Variants in ARHGAP6 observed in about 807,000 individuals in gnomAD.
ARHGAP6 encodes the protein Rho GTPase activating protein 6.
A neutral mutation model predicts 55.7 loss-of-function variants in ARHGAP6; 16 were observed. That is an observed-to-expected ratio of 0.29 (90% CI 0.19 to 0.44). The LOEUF (loss-of-function observed/expected upper bound fraction) is 0.44, where lower values mean the gene tolerates loss of function less well. Ranked by LOEUF, ARHGAP6 falls within the 20% of genes least tolerant of loss-of-function variation. The probability of loss-of-function intolerance (pLI) is 1.00; values close to 1 mark genes in which losing one functional copy is unlikely to be tolerated. For synonymous variants in ARHGAP6, 382 were observed against 360.9 expected, an observed-to-expected ratio of 1.06 and a Z score of -0.66; for missense variants, 698 against 808.9, an observed-to-expected ratio of 0.86 and a Z score of 1.66.
At chrX:11,520,519 C>T (rs2050911336) in intron 1 of ARHGAP6, among the ~76,000 whole-genome samples, 1 of 110,335 alleles carries the variant, frequency 9.1e-6, no homozygotes, top group Non-Finnish European at 1.9e-5. Flanking sequence ...GCATAGTATT[C>T]CATGGTGTAT....
chrX:11,592,496 G>T (rs2051847513), intron 1 of ARHGAP6, among the ~76,000 whole-genome samples: 1 of 111,397 alleles, frequency 9.0e-6, no homozygotes, highest in Admixed American at 9.6e-5. Flanking sequence ...TCTTCAACAA[G>T]CATGTTTTTA....
At chrX:11,551,127 A>G (rs950747058) in intron 1 of ARHGAP6, among the ~76,000 whole-genome samples, 1 of 112,149 alleles carries the variant, frequency 8.9e-6, no homozygotes, top group African/African-American at 3.2e-5. Flanking sequence ...CATGGACAAC[A>G]CAAGGGTGAC....
chrX:11,344,188 G>T (rs936160808), intron 1 of ARHGAP6, among the ~76,000 whole-genome samples: 8 of 111,366 alleles, frequency 7.2e-5, no homozygotes, highest in Non-Finnish European at 1.3e-4. Context: ...TGTTGTAGGG[G>T]TGCTATAGGA....
intron 2 of ARHGAP6, among the ~76,000 whole-genome samples, chrX:11,249,493 C>T (rs1373911457): frequency 2.7e-5 from 3 of 111,602 alleles, no homozygotes; most frequent in African/African-American, 9.8e-5. Flanking sequence ...ACAATTTACA[C>T]CTCTACCAAC....
At chrX:11,358,475 T>C (rs1569313542) in intron 1 of ARHGAP6, among the ~76,000 whole-genome samples, 1 of 99,857 alleles carries the variant, frequency 1.0e-5, no homozygotes, top group Non-Finnish European at 2.0e-5. Flanking sequence ...CTTTCTTTCT[T>C]TCTTTCTTTC....
Position 11,519,573 on chromosome X carries a change from C to T in ARHGAP6, c.588+144668G>A, listed in dbSNP as rs2050890349. Among the ~76,000 whole-genome samples the T allele has an allele frequency of 3.6e-5, 4 of 110,946 alleles. No individual in the cohort carries two copies. The Admixed American group carries it at 3.9e-4, about 11-fold the overall frequency. ...AACAAAGCTGGAGGCATCACACTAC[C>T]TAACTTCAAACTATACTACAAGGCT... On this transcript the variant is annotated intron_variant, in intron 1 of 12. Coordinates refer to ENST00000337414, the MANE Select transcript of ARHGAP6 (RefSeq NM_013427.3).
At chrX:11,173,616 AAAAC>A (rs1288506733) in intron 8 of ARHGAP6, among the ~76,000 whole-genome samples, 1 of 112,633 alleles carries the variant, frequency 8.9e-6, no homozygotes, top group Non-Finnish European at 1.9e-5. Context: ...AGAAGAAAAC[AAAAC>A]AAACACAAGA....
chrX:11,412,508 T>C (rs2147767395), intron 1 of ARHGAP6, among the ~76,000 whole-genome samples: 1 of 112,328 alleles, frequency 8.9e-6, no homozygotes, highest in Admixed American at 9.4e-5. Flanking sequence ...TTAAATTCTC[T>C]TTAAAGATAA....
chrX:11,553,919 A>G (rs2051295778), intron 1 of ARHGAP6, among the ~76,000 whole-genome samples: 1 of 112,117 alleles, frequency 8.9e-6, no homozygotes, highest in Non-Finnish European at 1.9e-5. Context: ...TTTCAGAAAG[A>G]CATTTCAAGG....
At chrX:11,190,427 T>A (rs1270852310) in intron 3 of ARHGAP6, among the ~76,000 whole-genome samples, 1 of 81,592 alleles carries the variant, frequency 1.2e-5, no homozygotes, top group Non-Finnish European at 2.6e-5. Context: ...CCAAAGGGGA[T>A]AGTACCAGAC....
At chrX:11,205,839 C>A (rs1334820248) in intron 2 of ARHGAP6, among the ~76,000 whole-genome samples, 7 of 112,010 alleles carry the variant, frequency 6.2e-5, no homozygotes, top group South Asian at 3.7e-4. Flanking sequence ...ATGTATTTTA[C>A]CCTGACCACT....
intron 1 of ARHGAP6, among the ~76,000 whole-genome samples, chrX:11,532,766 C>G (rs1430532904): frequency 8.9e-6 from 1 of 112,522 alleles, no homozygotes; most frequent in African/African-American, 3.2e-5. Context: ...TGCTTTCACA[C>G]TACAAAGGCA....
chrX:11,573,065 A>C (rs1270954333), intron 1 of ARHGAP6, among the ~76,000 whole-genome samples: 1 of 111,061 alleles, frequency 9.0e-6, no homozygotes, highest in Non-Finnish European at 1.9e-5. Flanking sequence ...GTTTGAGTTC[A>C]TTGTAGATTC....
intron 2 of ARHGAP6, among the ~76,000 whole-genome samples, chrX:11,215,556 C>T (rs1280854099): frequency 8.8e-6 from 1 of 113,030 alleles, no homozygotes; most frequent in African/African-American, 3.2e-5. Context: ...GATAGCTCTC[C>T]TTTCACACAC....
At chrX:11,616,591 G>T (rs1293355967) in intron 1 of ARHGAP6, among the ~76,000 whole-genome samples, 1 of 111,634 alleles carries the variant, frequency 9.0e-6, no homozygotes, top group Non-Finnish European at 1.9e-5. Flanking sequence ...GCCTCGCAAA[G>T]TGCTAGGATT....
intron 1 of ARHGAP6, among the ~76,000 whole-genome samples, chrX:11,617,528 G>C (rs1439898013): frequency 1.8e-5 from 2 of 111,774 alleles, no homozygotes; most frequent in Non-Finnish European, 1.9e-5. Flanking sequence ...CATGGCAAAA[G>C]CAACTCTGAA....
intron 1 of ARHGAP6, among the ~76,000 whole-genome samples, chrX:11,614,483 A>T (rs1000074058): frequency 1.9e-4 from 21 of 111,118 alleles, no homozygotes; most frequent in Non-Finnish European, 4.0e-4. Flanking sequence ...CACACTTTCA[A>T]ACAACCAGAT....
intron 1 of ARHGAP6, among the ~76,000 whole-genome samples, chrX:11,536,725 G>A (rs774124549): frequency 4.5e-4 from 51 of 112,337 alleles, no homozygotes; most frequent in African/African-American, 1.6e-3. Flanking sequence ...GGACAAAAAC[G>A]TAACTAAAGA....
chrX:11,337,846 G>C (rs1328135548), intron 1 of ARHGAP6, among the ~76,000 whole-genome samples: 1 of 112,289 alleles, frequency 8.9e-6, no homozygotes, highest in Non-Finnish European at 1.9e-5. Flanking sequence ...TCAAAGTTCT[G>C]CTGGCTTTAC....
Sources: allele counts gnomAD v4.1 joint callset (sites outside exome capture counted in the v4.1 genomes callset), GRCh38; gene constraint gnomAD v4.1.1; transcripts MANE v1.5; gene names NCBI Gene and HGNC (gene_info 2026-07-23, HGNC 2026-07-21).